ITPK1: variants seen among roughly 807,000 people sequenced by gnomAD.
The protein encoded by ITPK1 is inositol-tetrakisphosphate 1-kinase.
Under a neutral mutation model 45.3 loss-of-function variants are expected in ITPK1, and 21 were observed. That is an observed-to-expected ratio of 0.46 (90% CI 0.33 to 0.67). The LOEUF (loss-of-function observed/expected upper bound fraction) is 0.67, where lower values mean the gene tolerates loss of function less well. Among genes scored for constraint, ITPK1 ranks in the 30% least tolerant of loss-of-function variants. The pLI is 0.02. For synonymous variants in ITPK1, 258 were observed against 253.6 expected (o/e 1.02, Z -0.16); for missense variants, 474 against 573.5 (o/e 0.83, Z 1.77).
chr14:93,080,277 C>T (rs1891384937), intron 2 of ITPK1, among the ~76,000 whole-genome samples: 1 of 152,202 alleles, frequency 6.6e-6, no homozygotes, highest in African/African-American at 2.4e-5. Flanking sequence ...TGGTCAAGGG[C>T]AAGGGCAGCT....
intron 2 of ITPK1, among the ~76,000 whole-genome samples, chr14:93,103,717 G>A (rs1473109283): frequency 6.6e-6 from 1 of 152,196 alleles, no homozygotes; most frequent in Non-Finnish European, 1.5e-5. Flanking sequence ...TCATTCCAGG[G>A]GAGGGGGAGG....
At chr14:92,968,056 A>G (rs1885467453) in intron 5 of ITPK1, among the ~76,000 whole-genome samples, 4 of 152,202 alleles carry the variant, frequency 2.6e-5, no homozygotes, top group African/African-American at 2.4e-5. Context: ...TTGGCTGGGC[A>G]TGGTGGCTCA....
intron 4 of ITPK1, among the ~76,000 whole-genome samples, chr14:93,007,929 G>A (rs1857693557): frequency 6.6e-6 from 1 of 152,208 alleles, no homozygotes; most frequent in South Asian, 2.1e-4. Context: ...TCAAAGAGGG[G>A]AGCTGGCACG....
chr14:92,999,977 T>C lies in ITPK1; in HGVS notation c.247-5980A>G, dbSNP rs1023205210. ...TGGGTAGATCTGCCTATTCTGGGCA[T>C]TTCCTTCAAGCGAAGCCATGTGATG... On this transcript the variant is annotated intron_variant, in intron 4 of 10. Transcript: ENST00000267615. Among the ~76,000 whole-genome samples, 57 of 152,348 alleles carry C rather than the reference T, an allele frequency of 3.7e-4. 1 individual carries two copies. Among genetic ancestry groups the C allele is most frequent in the African/African-American group, 1.3e-3 (53 of 41,576 alleles).
At chr14:93,004,458 C>G (rs1887506341) in intron 4 of ITPK1, among the ~76,000 whole-genome samples, 1 of 152,206 alleles carries the variant, frequency 6.6e-6, no homozygotes, top group Non-Finnish European at 1.5e-5. Context: ...TCTCCCACGT[C>G]TGAGCACTCA....
chr14:92,950,442 T>G (rs1566689970), intron 9 of ITPK1, among the ~76,000 whole-genome samples: 1 of 152,268 alleles, frequency 6.6e-6, no homozygotes, highest in African/African-American at 2.4e-5. Flanking sequence ...TTCTCTTTTC[T>G]ATTTTTGGAA....
intron 2 of ITPK1, among the ~76,000 whole-genome samples, chr14:93,081,796 C>T (rs537777460): frequency 5.3e-5 from 8 of 152,322 alleles, no homozygotes; most frequent in East Asian, 3.9e-4. Context: ...GGGGCTGAGA[C>T]GCAGGACAGA....
Position 93,012,025 on chromosome 14 carries a change from T to C in ITPK1, c.246+4651A>G, listed in dbSNP as rs1887936142. Among the ~76,000 whole-genome samples the C allele has an allele frequency of 6.6e-6, 1 of 152,124 alleles. No homozygotes were observed. The highest frequency in any genetic ancestry group is 2.4e-5 in the African/African-American group (1 of 41,424). On this transcript the variant is annotated intron_variant, in intron 4 of 10. Transcript: ENST00000267615. This position sits in a 1 kb window ranked among gnomAD's most constrained non-coding sequence, Gnocchi z 4.9. ...CCATCAGGCAGCGCCATCTGCCTCA[T>C]TAACGCTCCTGGCCTCCTCCCTCCC... is the stretch of plus-strand genomic sequence containing the variant.
chr14:93,026,220 C>T (rs929577758), intron 3 of ITPK1, among the ~76,000 whole-genome samples: 2 of 152,168 alleles, frequency 1.3e-5, no homozygotes, highest in Non-Finnish European at 2.9e-5. Context: ...AGGAACACCA[C>T]GTATTATATT....
intron 3 of ITPK1, among the ~76,000 whole-genome samples, chr14:93,058,375 G>C (rs969807557): frequency 1.4e-5 from 2 of 142,168 alleles, no homozygotes; most frequent in Non-Finnish European, 3.0e-5. Context: ...AGGGTCATAA[G>C]GCAGGGGTGG....
At chr14:92,976,329 A>G (rs1885938139) in intron 5 of ITPK1, among the ~76,000 whole-genome samples, 1 of 152,168 alleles carries the variant, frequency 6.6e-6, no homozygotes, top group Non-Finnish European at 1.5e-5. Flanking sequence ...CTCACAGATA[A>G]ATAGAATATG....
chr14:93,024,979 G>A (rs1000428825), intron 3 of ITPK1, among the ~76,000 whole-genome samples: 1 of 152,186 alleles, frequency 6.6e-6, no homozygotes, highest in Non-Finnish European at 1.5e-5. Flanking sequence ...GGGGGCCAGA[G>A]GCAGGGAAGC....
At chr14:93,023,316 T>A (rs1050854687) in intron 3 of ITPK1, among the ~76,000 whole-genome samples, 10 of 152,344 alleles carry the variant, frequency 6.6e-5, no homozygotes, top group Admixed American at 5.9e-4. Flanking sequence ...AGCATGTAAC[T>A]GCAGGAGTAA....
rs545611672 is a variant in ITPK1 at position 93,100,988 on chromosome 14, T to TC, written c.95+14080dup. On this transcript the variant is annotated intron_variant, in intron 2 of 10. Coordinates refer to ENST00000267615, the MANE Select transcript of ITPK1 (RefSeq NM_014216.6). ...CGTCAGGGAAGGGGCACCCACTCAC[T>TC]CCCCCATCCTTCCCAGGAGAGCATC... is the stretch of plus-strand genomic sequence containing the variant. Among the ~76,000 whole-genome samples, 3 of 152,036 alleles carry TC rather than the reference T, an allele frequency of 2.0e-5. No homozygotes were observed. In the East Asian group the frequency reaches 5.8e-4, roughly 29 times the overall value.
chr14:93,050,513 G>A (rs2139929004), intron 3 of ITPK1, among the ~76,000 whole-genome samples: 1 of 152,296 alleles, frequency 6.6e-6, no homozygotes, highest in African/African-American at 2.4e-5. Flanking sequence ...CTGATGGCGG[G>A]CACCCAGGGA....
intron 2 of ITPK1, among the ~76,000 whole-genome samples, chr14:93,097,159 G>A (rs535606585): frequency 3.9e-5 from 6 of 152,302 alleles, no homozygotes; most frequent in Admixed American, 1.3e-4. Flanking sequence ...GCGCAGACCC[G>A]GATCACACAC....
chr14:92,988,258 TG>T (rs1308070888), intron 5 of ITPK1, among the ~76,000 whole-genome samples: 1 of 152,066 alleles, frequency 6.6e-6, no homozygotes, highest in Non-Finnish European at 1.5e-5. Context: ...AGGCTGACAC[TG>T]GGGGAGGCAT....
intron 2 of ITPK1, among the ~76,000 whole-genome samples, chr14:93,100,964 G>A (rs1892293466): frequency 1.3e-5 from 2 of 152,174 alleles, no homozygotes; most frequent in Non-Finnish European, 2.9e-5. Flanking sequence ...AGATGGCTGC[G>A]TCAGGGAAGG....
Position 93,032,576 on chromosome 14 carries a change from ATT to A in ITPK1, c.121-15777_121-15776del, listed in dbSNP as rs1162035046. 2.0e-5 allele frequency among the ~76,000 whole-genome samples: 3 copies of A among 152,188 alleles called. No individual in the cohort carries two copies. In the East Asian group the frequency reaches 5.8e-4, roughly 29 times the overall value. ...AACCCTTGCATACTCACTTGGGAGA[ATT>A]CCAGAGAATGCTGCCAGGTCACAGA... On this transcript the variant is annotated intron_variant, in intron 3 of 10. Transcript: ENST00000267615. This position sits in a 1 kb window ranked among gnomAD's most constrained non-coding sequence, Gnocchi z 4.0.
Sources: allele counts gnomAD v4.1 joint callset (sites outside exome capture counted in the v4.1 genomes callset), GRCh38; gene constraint gnomAD v4.1.1; non-coding constraint Gnocchi (gnomAD v3.1); transcripts MANE v1.5; gene names NCBI Gene and HGNC (gene_info 2026-07-23, HGNC 2026-07-21).